TMEFF1: variants seen among roughly 807,000 people sequenced by gnomAD.
TMEFF1 encodes the protein transmembrane protein with EGF like and two follistatin like domains 1.
In TMEFF1, 20 loss-of-function variants were observed where a neutral mutation model predicts 47.5. The observed-to-expected ratio is 0.42, with a 90% CI of 0.30 to 0.61. The LOEUF (loss-of-function observed/expected upper bound fraction) is 0.61, where lower values mean the gene tolerates loss of function less well. TMEFF1 is among the 20% of genes least tolerant of loss of function. TMEFF1 has a pLI of 0.19. For synonymous variants in TMEFF1, 162 were observed against 166.3 expected (o/e 0.97, Z 0.20); for missense variants, 411 against 471.1 (o/e 0.87, Z 1.18).
intron 1 of TMEFF1, among the ~76,000 whole-genome samples, chr9:100,475,753 G>T (rs1837213922): frequency 7.0e-6 from 1 of 143,748 alleles, no homozygotes; most frequent in African/African-American, 2.6e-5. Flanking sequence ...GTGTGTGTGT[G>T]TGTTCTTTGG....
intron 1 of TMEFF1, among the ~76,000 whole-genome samples, chr9:100,489,817 C>T (rs1340496481): frequency 6.6e-6 from 1 of 152,190 alleles, no homozygotes; most frequent in East Asian, 1.9e-4. Flanking sequence ...AGGCTAGTGT[C>T]AGAACCCCAG....
intron 1 of TMEFF1, among the ~76,000 whole-genome samples, chr9:100,489,715 C>T (rs1274553916): frequency 6.6e-6 from 1 of 151,920 alleles, no homozygotes; most frequent in Non-Finnish European, 1.5e-5. Context: ...TTTAAAAAGC[C>T]TGACTTTAAA....
chr9:100,476,558 CTAA>C (rs1564259973), intron 1 of TMEFF1, among the ~76,000 whole-genome samples: 1 of 151,944 alleles, frequency 6.6e-6, no homozygotes, highest in Non-Finnish European at 1.5e-5. Context: ...CCATGCCGGG[CTAA>C]TTTGTATTTT....
At position 100,577,403 on chromosome 9, in the gene TMEFF1, G is replaced by A. The variant is rs1038407646; in HGVS notation, c.*803G>A. The A allele has an allele frequency of 2.0e-5, 3 of 152,560 alleles. No individual in the cohort carries two copies. The highest frequency in any genetic ancestry group is 4.4e-5 in the Non-Finnish European group (3 of 68,000). The allele number at this position is 152,560 out of a possible 1,614,324, so 9.5% of individuals were successfully genotyped here. ...ATTGTTAATGATTGGTGCTCTTAAA[G>A]TGAGCTTAAAATTTATCCAAGACGT... On this transcript the variant is annotated 3_prime_UTR_variant, in exon 10 of 10. Transcript: ENST00000374879.
chr9:100,508,156 T>G (rs1408376257), intron 2 of TMEFF1, among the ~76,000 whole-genome samples: 1 of 152,238 alleles, frequency 6.6e-6, no homozygotes, highest in African/African-American at 2.4e-5. Context: ...ATGTCTGTCT[T>G]TGGTCCCGTT....
At chr9:100,526,257 T>G (rs2118422764) in intron 5 of TMEFF1, among the ~76,000 whole-genome samples, 1 of 152,314 alleles carries the variant, frequency 6.6e-6, no homozygotes, top group African/African-American at 2.4e-5. Flanking sequence ...ATGTAGAGTC[T>G]TCTTTTGGTC....
At chr9:100,503,109 A>T (rs1341729827) in intron 2 of TMEFF1, among the ~76,000 whole-genome samples, 1 of 152,204 alleles carries the variant, frequency 6.6e-6, no homozygotes, top group Non-Finnish European at 1.5e-5. Context: ...TCTCTGCTGG[A>T]TGCTTTAGCA....
intron 1 of TMEFF1, among the ~76,000 whole-genome samples, chr9:100,492,399 T>C (rs1837571721): frequency 6.6e-6 from 1 of 152,214 alleles, no homozygotes; most frequent in African/African-American, 2.4e-5. Context: ...CACATAATTG[T>C]AGTAACAACT....
intron 5 of TMEFF1, among the ~76,000 whole-genome samples, chr9:100,525,956 ACTT>A (rs1838246768): frequency 6.6e-6 from 1 of 152,120 alleles, no homozygotes; most frequent in Non-Finnish European, 1.5e-5. Context: ...TTTGCTTCTA[ACTT>A]CTTGGTTTTA....
intron 1 of TMEFF1, among the ~76,000 whole-genome samples, chr9:100,489,722 T>G (rs974318175): frequency 6.6e-6 from 1 of 152,196 alleles, no homozygotes; most frequent in Non-Finnish European, 1.5e-5. Flanking sequence ...AGCCTGACTT[T>G]AAATGTGTCA....
intron 1 of TMEFF1, among the ~76,000 whole-genome samples, chr9:100,482,628 T>C (rs1241875491): frequency 2.0e-5 from 3 of 152,208 alleles, no homozygotes; most frequent in Non-Finnish European, 2.9e-5. Context: ...CAGCCTCTTT[T>C]ATTGATCTTT....
At chr9:100,474,698 G>C (rs1341878693) in intron 1 of TMEFF1, among the ~76,000 whole-genome samples, 5 of 151,838 alleles carry the variant, frequency 3.3e-5, no homozygotes, top group African/African-American at 1.2e-4. Context: ...TCCCAGGGAA[G>C]ATGTCGTGCC....
chr9:100,529,513 A>G (rs1308328159), intron 5 of TMEFF1, among the ~76,000 whole-genome samples: 2 of 149,402 alleles, frequency 1.3e-5, no homozygotes, highest in Non-Finnish European at 3.0e-5. Context: ...ACATAATGGT[A>G]AAGGGATCAA....
intron 2 of TMEFF1, 128 bp downstream of exon 2, chr9:100,499,002 C>G: frequency 1.1e-6 from 1 of 899,536 alleles, no homozygotes; most frequent in East Asian, 2.7e-5. Context: ...CCCCTCAGTT[C>G]TTTTTTGTCA....
Position 100,497,319 on chromosome 9 carries a change from T to G in TMEFF1, c.197-1446T>G, listed in dbSNP as rs1837667902. 2.1e-5 allele frequency among the ~76,000 whole-genome samples: 3 copies of G among 144,074 alleles called. No individual in the cohort carries two copies. The Admixed American group carries it at 2.1e-4, about 10-fold the overall frequency. 94.5% of individuals were successfully genotyped at this position (144,074 alleles called of 152,430 possible). A position where few individuals can be genotyped will look rare whatever the true frequency, so the allele number is the denominator to read the frequency against. On this transcript the variant is annotated intron_variant, in intron 1 of 9. Transcript: ENST00000374879. ...CTCTTGCTTTAAGTTTCCACTCATG[T>G]CTTTTTTTTTTTTTTTTTTTTTTTT...
intron 8 of TMEFF1, among the ~76,000 whole-genome samples, chr9:100,565,240 G>A (rs1839101286): frequency 1.3e-5 from 2 of 152,058 alleles, no homozygotes; most frequent in South Asian, 4.1e-4. Flanking sequence ...TATCCCACTA[G>A]CCCTCCCATT....
chr9:100,560,819 A>G (rs1008154000), intron 7 of TMEFF1, among the ~76,000 whole-genome samples: 5 of 152,234 alleles, frequency 3.3e-5, no homozygotes, highest in African/African-American at 1.2e-4. Context: ...TTTTAAAATA[A>G]TGACCATATA....
chr9:100,533,870 C>T (rs1006488022), intron 5 of TMEFF1, among the ~76,000 whole-genome samples: 4 of 152,228 alleles, frequency 2.6e-5, no homozygotes. Context: ...AGGCGTGCAC[C>T]ACCATGCCCA....
At chr9:100,509,276 T>C (rs558225049) in intron 3 of TMEFF1, 142 bp downstream of exon 3, 7 of 1,245,894 alleles carry the variant, frequency 5.6e-6, no homozygotes, top group African/African-American at 1.6e-5. Context: ...AAATCTTTTT[T>C]GCCCTCATTT....
Sources: gnomAD v4.1 joint callset for allele counts (sites outside exome capture counted in the v4.1 genomes callset) on GRCh38, gnomAD v4.1.1 for gene constraint, MANE v1.5 for transcripts, NCBI Gene and HGNC (gene_info 2026-07-23, HGNC 2026-07-21) for gene names.